Variants in ANKS1B observed in about 807,000 individuals in gnomAD.
The protein encoded by ANKS1B is ankyrin repeat and sterile alpha motif domain containing 1B.
A neutral mutation model predicts 148.3 loss-of-function variants in ANKS1B; 36 were observed. The ratio of observed to expected loss-of-function variants is 0.24; its 90% confidence interval spans 0.19 to 0.32. The LOEUF is 0.32. Ranked by LOEUF, ANKS1B falls within the 10% of genes least tolerant of loss-of-function variation. ANKS1B has a pLI of 1.00. For missense variants in ANKS1B, 1,157 were observed against 1,542.6 expected, an observed-to-expected ratio of 0.75 and a Z score of 4.19; for synonymous variants, 542 against 560.8, an observed-to-expected ratio of 0.97 and a Z score of 0.47.
chr12:99,119,262 AC>A (rs2062134423), intron 15 of ANKS1B, among the ~76,000 whole-genome samples: 1 of 152,174 alleles, frequency 6.6e-6, no homozygotes, highest in African/African-American at 2.4e-5. Context: ...TGATGTGGGC[AC>A]AAATCAGGGT....
At chr12:99,967,046 A>G (rs2095492627) in intron 1 of ANKS1B, among the ~76,000 whole-genome samples, 1 of 152,206 alleles carries the variant, frequency 6.6e-6, no homozygotes, top group African/African-American at 2.4e-5. Context: ...GATTTAGGTT[A>G]AGACAGTGTA....
intron 8 of ANKS1B, among the ~76,000 whole-genome samples, chr12:99,728,250 A>G (rs1378737579): frequency 6.6e-6 from 1 of 152,220 alleles, no homozygotes. Flanking sequence ...TCTAATATCC[A>G]GAATCTACAA....
At chr12:99,959,227 A>ATTTTTTTTTTTTTTTTTT (rs71088166) in intron 1 of ANKS1B, among the ~76,000 whole-genome samples, 11 of 99,896 alleles carry the variant, frequency 1.1e-4, no homozygotes, top group Non-Finnish European at 1.3e-4. Context: ...CACCCAGTTA[A>ATTTTTTTTTTTTTTTTTT]TTTTTTTTTT....
chr12:99,230,155 T>C (rs998609393), intron 14 of ANKS1B, among the ~76,000 whole-genome samples: 3 of 152,066 alleles, frequency 2.0e-5, no homozygotes, highest in African/African-American at 7.2e-5. Flanking sequence ...TATGAAGAAG[T>C]GAAATTCAGA....
At chr12:98,937,976 G>A (rs967393619) in intron 17 of ANKS1B, among the ~76,000 whole-genome samples, 2 of 152,020 alleles carry the variant, frequency 1.3e-5, no homozygotes, top group African/African-American at 4.8e-5. Flanking sequence ...ACGATCACTA[G>A]AGCAGCATGG....
chr12:98,879,655 C>T (rs999495106), intron 17 of ANKS1B, among the ~76,000 whole-genome samples: 1 of 152,044 alleles, frequency 6.6e-6, no homozygotes, highest in Non-Finnish European at 1.5e-5. Context: ...ATTTGAGAAA[C>T]CTTCGTTGAA....
At chr12:99,432,069 T>C (rs2095383505) in intron 11 of ANKS1B, among the ~76,000 whole-genome samples, 1 of 152,214 alleles carries the variant, frequency 6.6e-6, no homozygotes, top group South Asian at 2.1e-4. Flanking sequence ...ACTGGAGTTT[T>C]GCCTCTTCAC....
chr12:98,784,549 A>T (rs1462615877), intron 22 of ANKS1B, among the ~76,000 whole-genome samples: 2 of 152,148 alleles, frequency 1.3e-5, no homozygotes, highest in African/African-American at 4.8e-5. Context: ...AACAAGAAAA[A>T]ATTGTTGCTG....
At chr12:99,535,738 C>G (rs1041128997) in intron 9 of ANKS1B, among the ~76,000 whole-genome samples, 1 of 152,072 alleles carries the variant, frequency 6.6e-6, no homozygotes, top group African/African-American at 2.4e-5. Context: ...AGTGAAGAAG[C>G]ACTTACAGAG....
Position 99,803,954 on chromosome 12 carries a change from G to A in ANKS1B, c.669+2450C>T, listed in dbSNP as rs181159334. On this transcript the variant is annotated intron_variant, in intron 4 of 26. Transcript: ENST00000683438. Reference sequence around the variant, plus strand: ...AAATTTTTTGTCTCCTCCACTAAGCGTGGGGCAGAGATAGTTTTGGTTTTT... The same window carrying A: ...AAATTTTTTGTCTCCTCCACTAAGCATGGGGCAGAGATAGTTTTGGTTTTT... 1.2e-4 allele frequency among the ~76,000 whole-genome samples: 18 copies of A among 152,248 alleles called. 1 individual carries two copies. The East Asian group carries it at 1.9e-3, about 16-fold the overall frequency.
At chr12:99,805,278 A>AAAAAAAAAAAAAAAAAAAAAAAT (rs1413073883) in intron 4 of ANKS1B, among the ~76,000 whole-genome samples, 2 of 147,658 alleles carry the variant, frequency 1.4e-5, no homozygotes, top group South Asian at 2.1e-4. Context: ...AAAAAAAAAA[A>AAAAAAAAAAAAAAAAAAAAAAAT]AAAAAAAAAA....
chr12:99,125,593 C>T (rs1452208207), intron 15 of ANKS1B, among the ~76,000 whole-genome samples: 3 of 152,138 alleles, frequency 2.0e-5, no homozygotes, highest in Non-Finnish European at 4.4e-5. Context: ...TGAATTGGTG[C>T]TGTGGCTGCA....
At chr12:98,764,125 G>T (rs2098449640) in intron 25 of ANKS1B, among the ~76,000 whole-genome samples, 1 of 152,188 alleles carries the variant, frequency 6.6e-6, no homozygotes, top group Non-Finnish European at 1.5e-5. Flanking sequence ...CTTGGCCAGG[G>T]TTTGTGCAAA....
intron 16 of ANKS1B, among the ~76,000 whole-genome samples, chr12:99,067,145 T>C (rs532150664): frequency 4.6e-5 from 7 of 152,334 alleles, no homozygotes; most frequent in Non-Finnish European, 8.8e-5. Flanking sequence ...TGAAACATTT[T>C]TGGACATTGA....
chr12:99,882,534 A>C (rs901491195), intron 1 of ANKS1B, among the ~76,000 whole-genome samples: 1 of 152,236 alleles, frequency 6.6e-6, no homozygotes, highest in Non-Finnish European at 1.5e-5. Flanking sequence ...TGCATTACTT[A>C]CAGGGAAGCA....
intron 10 of ANKS1B, among the ~76,000 whole-genome samples, chr12:99,465,554 C>A (rs555681482): frequency 6.6e-6 from 1 of 151,754 alleles, no homozygotes; most frequent in Non-Finnish European, 1.5e-5. Flanking sequence ...ACCCATCTCA[C>A]GTGCAGAGAC....
chr12:99,617,374 A>G (rs781257009), intron 9 of ANKS1B, among the ~76,000 whole-genome samples: 21 of 152,314 alleles, frequency 1.4e-4, no homozygotes, highest in Admixed American at 7.2e-4. Flanking sequence ...AATAGCAAAG[A>G]CTTGGAACCA....
intron 17 of ANKS1B, among the ~76,000 whole-genome samples, chr12:98,857,804 T>C (rs898967126): frequency 6.6e-6 from 1 of 152,196 alleles, no homozygotes; most frequent in African/African-American, 2.4e-5. Flanking sequence ...TAGTTGAAGA[T>C]GTAAAGACAT....
At chr12:99,216,808 C>T (rs2084276464) in intron 14 of ANKS1B, among the ~76,000 whole-genome samples, 1 of 152,172 alleles carries the variant, frequency 6.6e-6, no homozygotes, top group South Asian at 2.1e-4. Flanking sequence ...ATATGGCTGT[C>T]CAGCCAAAGA....
Sources: gnomAD v4.1 joint callset for allele counts (sites outside exome capture counted in the v4.1 genomes callset) on GRCh38, gnomAD v4.1.1 for gene constraint, MANE v1.5 for transcripts, NCBI Gene and HGNC (gene_info 2026-07-23, HGNC 2026-07-21) for gene names.